Variants in CTBP2 observed in about 807,000 individuals in gnomAD.
The protein encoded by CTBP2 is C-terminal binding protein 2.
A neutral mutation model predicts 80.3 loss-of-function variants in CTBP2; 30 were observed. That is an observed-to-expected ratio of 0.37 (90% CI 0.28 to 0.51). The LOEUF is 0.51. Among genes scored for constraint, CTBP2 ranks in the 20% least tolerant of loss-of-function variants. The pLI is 0.93. For synonymous variants in CTBP2, 594 were observed against 587.4 expected (o/e 1.01, Z -0.16); for missense variants, 1,212 against 1,375.3 (o/e 0.88, Z 1.88).
chr10:124,999,561 GAGA>G, intron 3 of CTBP2: 1 of 152,404 alleles, frequency 6.6e-6, no homozygotes, highest in South Asian at 2.1e-4. Context: ...ACACAGCTCA[GAGA>G]AGGTGAAGCC....
intron 2 of CTBP2, among the ~76,000 whole-genome samples, chr10:125,055,814 G>A (rs1157477264): frequency 1.3e-5 from 2 of 152,242 alleles, no homozygotes; most frequent in African/African-American, 4.8e-5. Context: ...GAGTGGGACT[G>A]TGGGAAGGAG....
chr10:125,159,677 C>G (rs1415609674), intron 1 of CTBP2, among the ~76,000 whole-genome samples: 1 of 149,710 alleles, frequency 6.7e-6, no homozygotes, highest in African/African-American at 2.4e-5. Context: ...GCCGCTCACG[C>G]CCCGACTTCC....
intron 5 of CTBP2, among the ~76,000 whole-genome samples, 174 bp from the exon 8 acceptor site, chr10:124,994,159 C>A (rs139864950): frequency 6.6e-6 from 1 of 152,216 alleles, no homozygotes; most frequent in Non-Finnish European, 1.5e-5. Context: ...AAGCCAGGGC[C>A]GTTGCTGCTG....
chr10:125,156,134 G>C (rs1263878676), intron 1 of CTBP2, among the ~76,000 whole-genome samples: 2 of 152,146 alleles, frequency 1.3e-5, no homozygotes, highest in East Asian at 3.9e-4. Flanking sequence ...CTGTGTAACA[G>C]ACCTACCATC....
chr10:124,986,569 T>A lies in CTBP2; in HGVS notation c.*2949A>T, dbSNP rs894290628. The A allele has an allele frequency of 1.3e-5, 2 of 152,114 alleles. No homozygotes were observed. Among genetic ancestry groups the A allele is most frequent in the Admixed American group, 6.5e-5 (1 of 15,270 alleles). 9.4% of individuals were successfully genotyped at this position (152,114 alleles called of 1,614,324 possible). A position where few individuals can be genotyped will look rare whatever the true frequency, so the allele number is the denominator to read the frequency against. ...TGCTAAATCTTGCAGGAAAAATGATTTTTTAGTACGATTCTGTAGAAATGA... is the reference window on the plus strand; with the variant it reads ...TGCTAAATCTTGCAGGAAAAATGATATTTTAGTACGATTCTGTAGAAATGA... On this transcript the variant is annotated 3_prime_UTR_variant, in exon 9 of 9. Coordinates refer to ENST00000309035, the MANE Select transcript of CTBP2 (RefSeq NM_022802.3).
At chr10:125,102,344 G>C (rs1850761280) in intron 2 of CTBP2, among the ~76,000 whole-genome samples, 1 of 152,258 alleles carries the variant, frequency 6.6e-6, no homozygotes, top group South Asian at 2.1e-4. Context: ...GGAAGTGCCA[G>C]AGCCGCTGGG....
chr10:125,128,699 T>C (rs1855660854), intron 1 of CTBP2, among the ~76,000 whole-genome samples: 1 of 152,214 alleles, frequency 6.6e-6, no homozygotes, highest in Admixed American at 6.5e-5. Context: ...AAAAAATAGC[T>C]GACTTCCATA....
At chr10:125,068,251 C>T (rs1844946680) in intron 2 of CTBP2, among the ~76,000 whole-genome samples, 1 of 152,198 alleles carries the variant, frequency 6.6e-6, no homozygotes, top group Admixed American at 6.5e-5. Flanking sequence ...TTCACTGAGC[C>T]TCTGCTAGGC....
chr10:125,052,433 G>C (rs1047555343), intron 2 of CTBP2, among the ~76,000 whole-genome samples: 7 of 152,230 alleles, frequency 4.6e-5, no homozygotes, highest in African/African-American at 1.7e-4. Flanking sequence ...CCAGGGGAGA[G>C]ACCCAGGAGG....
intron 1 of CTBP2, among the ~76,000 whole-genome samples, chr10:125,126,272 G>A (rs1256421469): frequency 6.6e-6 from 1 of 152,254 alleles, no homozygotes; most frequent in Non-Finnish European, 1.5e-5. Context: ...GCAAGACGCT[G>A]TGATTCTCGG....
chr10:125,119,031 C>T (rs748799565), intron 1 of CTBP2, among the ~76,000 whole-genome samples: 2 of 152,330 alleles, frequency 1.3e-5, no homozygotes, highest in South Asian at 2.1e-4. Context: ...TGTCAGGCTC[C>T]GGTCTTGCTT....
At chr10:125,007,194 T>A (rs746653228) in intron 1 of CTBP2, among the ~76,000 whole-genome samples, 1 of 152,260 alleles carries the variant, frequency 6.6e-6, no homozygotes, top group Non-Finnish European at 1.5e-5. Context: ...GCCTTACTGT[T>A]GACAGCTTGC....
rs144730542 is a variant in CTBP2 at position 125,026,394 on chromosome 10, G to T, written c.1366C>A (p.Pro456Thr). Reference sequence around the variant, plus strand: ...GTCAAGGCCACCCCTGCCTGCAGGGGGTACGTGGGGCTCAGACGCGCTGTC... The same window carrying T: ...GTCAAGGCCACCCCTGCCTGCAGGGTGTACGTGGGGCTCAGACGCGCTGTC... Residue 456 changes from proline to threonine, a missense_variant, in exon 1 of 9, where the codon CCC becomes ACC. Transcript: ENST00000309035. The T allele has an allele frequency of 3.5e-5, 57 of 1,610,728 alleles. No individual in the cohort carries two copies. Among genetic ancestry groups the T allele is most frequent in the Non-Finnish European group, 4.5e-5 (53 of 1,177,676 alleles).
At chr10:125,029,299 T>C (rs1462641009), upstream of CTBP2, among the ~76,000 whole-genome samples, 2 of 147,330 alleles carry the variant, frequency 1.4e-5, no homozygotes, top group African/African-American at 2.5e-5. Context: ...TGGAGTGCAA[T>C]GGCGCGATCT....
intron 1 of CTBP2, among the ~76,000 whole-genome samples, chr10:125,012,637 A>C (rs1956059585): frequency 6.6e-6 from 1 of 151,964 alleles, no homozygotes; most frequent in African/African-American, 2.4e-5. Context: ...AAAGACTAAA[A>C]ATTGTTGTTG....
rs774368012 is a variant in CTBP2 at position 125,005,728 on chromosome 10, C to T, written c.1679-2236G>A. The stretch of plus-strand genomic sequence containing the variant: ...ACAACTGCCAAATTCCACAAGATTC[C>T]TTCTGTTTCAGTACACTCTTCTGGC... On this transcript the variant is annotated intron_variant, in intron 1 of 8. Transcript: ENST00000309035. 3.1e-6 allele frequency: 5 copies of T among 1,612,820 alleles called. No homozygotes were observed. The African/African-American group carries it at 4.0e-5, about 13-fold the overall frequency.
At chr10:125,029,882 G>T (rs1411165108), upstream of CTBP2, among the ~76,000 whole-genome samples, 2 of 152,178 alleles carry the variant, frequency 1.3e-5, no homozygotes, top group African/African-American at 4.8e-5. Flanking sequence ...CTTCAGAGAG[G>T]TTACTGAGCT....
intron 1 of CTBP2, among the ~76,000 whole-genome samples, chr10:125,128,927 A>G (rs140877048): frequency 5.3e-5 from 8 of 152,360 alleles, no homozygotes; most frequent in Admixed American, 2.6e-4. Context: ...GCGGGTAAAG[A>G]AACTGCGGTC....
intron 2 of CTBP2, among the ~76,000 whole-genome samples, chr10:125,084,033 G>C (rs1321291908): frequency 1.3e-5 from 2 of 152,172 alleles, no homozygotes; most frequent in Non-Finnish European, 2.9e-5. Flanking sequence ...TGCCCGCCTT[G>C]GCCTCCCAAA....
Sources: allele counts gnomAD v4.1 joint callset (sites outside exome capture counted in the v4.1 genomes callset), GRCh38; gene constraint gnomAD v4.1.1; transcripts MANE v1.5; gene names NCBI Gene and HGNC (gene_info 2026-07-23, HGNC 2026-07-21).